The following AFF3 variants were observed in gnomAD, a reference collection of about 807,000 sequenced individuals.
AFF3 encodes the protein ALF transcription elongation factor 3.
Under a neutral mutation model 129.7 loss-of-function variants are expected in AFF3, and 32 were observed. The ratio of observed to expected loss-of-function variants is 0.25; its 90% CI spans 0.19 to 0.33. The LOEUF (loss-of-function observed/expected upper bound fraction) is 0.33, where lower values mean the gene tolerates loss of function less well. AFF3 is among the 10% of genes least tolerant of loss of function. The pLI is 1.00. For missense variants in AFF3, 1,373 were observed against 1,592.0 expected (o/e 0.86, Z 2.34); for synonymous variants, 644 against 635.4 (o/e 1.01, Z -0.20).
At chr2:99,623,177 T>C (rs1376362856) in intron 13 of AFF3, among the ~76,000 whole-genome samples, 6 of 148,794 alleles carry the variant, frequency 4.0e-5, no homozygotes, top group South Asian at 2.1e-4. Flanking sequence ...TTTTAACTTA[T>C]AAGATAGGCC....
At chr2:100,127,267 G>A (rs534604284) in intron 2 of AFF3, among the ~76,000 whole-genome samples, 2 of 152,282 alleles carry the variant, frequency 1.3e-5, no homozygotes, top group East Asian at 3.9e-4. Context: ...GTTCAGTCCT[G>A]CTCCCTCCCT....
chr2:99,734,791 T>C (rs1312390466), intron 10 of AFF3, among the ~76,000 whole-genome samples: 1 of 152,126 alleles, frequency 6.6e-6, no homozygotes, highest in Non-Finnish European at 1.5e-5. Context: ...TGACCTAGAA[T>C]TTTTACATTT....
At chr2:99,868,988 G>C (rs1032983111) in intron 7 of AFF3, among the ~76,000 whole-genome samples, 3 of 152,012 alleles carry the variant, frequency 2.0e-5, no homozygotes, top group Admixed American at 1.3e-4. Flanking sequence ...AGATGGTCTC[G>C]CTTTGTTGCC....
intron 7 of AFF3, among the ~76,000 whole-genome samples, chr2:99,908,706 C>T (rs1694896469): frequency 6.6e-6 from 1 of 152,026 alleles, no homozygotes; most frequent in Non-Finnish European, 1.5e-5. Flanking sequence ...TTTATGCAGC[C>T]AAAAAACACA....
At chr2:100,130,712 G>A (rs899488681) in intron 1 of AFF3, among the ~76,000 whole-genome samples, 1 of 152,184 alleles carries the variant, frequency 6.6e-6, no homozygotes, top group Admixed American at 6.5e-5. Context: ...ACTGGCTGCA[G>A]TGTGGGTTGA....
chr2:99,805,197 G>A (rs542510614), intron 8 of AFF3, among the ~76,000 whole-genome samples: 70 of 152,206 alleles, frequency 4.6e-4, no homozygotes, highest in Non-Finnish European at 8.7e-4. Flanking sequence ...TCCAGGAAAT[G>A]GTATATCTGA....
chr2:99,857,091 G>A (rs1690584273), intron 7 of AFF3, among the ~76,000 whole-genome samples: 1 of 151,880 alleles, frequency 6.6e-6, no homozygotes, highest in African/African-American at 2.4e-5. Context: ...TAAACTATTT[G>A]CATAGGTACA....
intron 7 of AFF3, among the ~76,000 whole-genome samples, chr2:99,948,308 C>T (rs1342538351): frequency 1.3e-5 from 2 of 152,124 alleles, no homozygotes; most frequent in Non-Finnish European, 2.9e-5. Context: ...CTGCAAAACT[C>T]ACCCCTTTAT....
intron 24 of AFF3, among the ~76,000 whole-genome samples, chr2:99,552,312 C>G (rs920359196): frequency 2.0e-5 from 3 of 152,170 alleles, no homozygotes; most frequent in Admixed American, 1.3e-4. Flanking sequence ...ATCGCTTGAA[C>G]CCGGGAGGAG....
intron 18 of AFF3, among the ~76,000 whole-genome samples, chr2:99,576,689 TG>T (rs902765509): frequency 5.9e-5 from 9 of 152,204 alleles, no homozygotes; most frequent in African/African-American, 2.2e-4. Context: ...AACCACCCAC[TG>T]CAAGTATGCG....
chr2:99,766,754 C>T (rs1426964446), intron 8 of AFF3, among the ~76,000 whole-genome samples: 1 of 152,050 alleles, frequency 6.6e-6, no homozygotes, highest in Non-Finnish European at 1.5e-5. Context: ...TGATAAAGTG[C>T]TTATCCATTG....
intron 3 of AFF3, 159 bp downstream of exon 3, chr2:100,105,345 C>T (rs1691204831): frequency 1.6e-6 from 2 of 1,235,616 alleles, no homozygotes; most frequent in Non-Finnish European, 2.1e-6. Context: ...CGTTTAAGGT[C>T]TCTGGAGCCC....
chr2:99,573,042 C>T (rs1176735094), intron 18 of AFF3, among the ~76,000 whole-genome samples: 4 of 152,196 alleles, frequency 2.6e-5, no homozygotes, highest in Admixed American at 6.5e-5. Flanking sequence ...CTCTGCAGGA[C>T]GCTCAGGCTA....
chr2:99,567,698 G>A (rs1001252817), intron 19 of AFF3, among the ~76,000 whole-genome samples: 1 of 152,196 alleles, frequency 6.6e-6, no homozygotes, highest in African/African-American at 2.4e-5. Context: ...CTGGCTGGCA[G>A]GAGCAAGGTG....
At chr2:100,038,181 C>T (rs925928253) in intron 4 of AFF3, among the ~76,000 whole-genome samples, 18 of 152,048 alleles carry the variant, frequency 1.2e-4, no homozygotes, top group Admixed American at 9.8e-4. Context: ...CTGCAGGAGA[C>T]GCCCAAGGAC....
chr2:100,056,927 CAATAAGTAAAGCTG>C (rs138734678), intron 4 of AFF3, among the ~76,000 whole-genome samples: 4,238 of 152,212 alleles, frequency 0.028, 166 homozygotes, highest in African/African-American at 0.089. Flanking sequence ...ACAGCTGGTT[CAATAAGTAAAGCTG>C]AAGAAATGGT....
At chr2:99,585,579 G>A (rs897529779) in intron 16 of AFF3, among the ~76,000 whole-genome samples, 1 of 152,142 alleles carries the variant, frequency 6.6e-6, no homozygotes, top group African/African-American at 2.4e-5. Flanking sequence ...ATAGAGAAGT[G>A]ACCTCTTCAT....
intron 7 of AFF3, among the ~76,000 whole-genome samples, chr2:99,847,668 C>A (rs963565615): frequency 3.3e-5 from 5 of 151,936 alleles, no homozygotes; most frequent in Non-Finnish European, 7.4e-5. Flanking sequence ...TGGGGCTGAA[C>A]TCAGATATTA....
intron 11 of AFF3, among the ~76,000 whole-genome samples, chr2:99,717,373 A>G (rs1464757): frequency 0.85 from 129,918 of 152,212 alleles, 55,565 homozygotes; most frequent in East Asian, 0.92. Context: ...TGCTCCATAC[A>G]CTTACCATGA....
Sources: gnomAD v4.1 joint callset for allele counts (sites outside exome capture counted in the v4.1 genomes callset) on GRCh38, gnomAD v4.1.1 for gene constraint, MANE v1.5 for transcripts, NCBI Gene and HGNC (gene_info 2026-07-23, HGNC 2026-07-21) for gene names.